GFPT1: variants seen among roughly 807,000 people sequenced by gnomAD.
The protein encoded by GFPT1 is glutamine--fructose-6-phosphate transaminase 1.
A neutral mutation model predicts 92.0 loss-of-function variants in GFPT1; 40 were observed. The observed-to-expected ratio is 0.43, with a 90% CI of 0.34 to 0.57. GFPT1 has a LOEUF of 0.57. Ranked by LOEUF, GFPT1 falls within the 20% of genes least tolerant of loss-of-function variation. The pLI is 0.02. For synonymous variants in GFPT1, 269 were observed against 280.6 expected (o/e 0.96, Z 0.41); for missense variants, 448 against 869.1 (o/e 0.52, Z 6.09).
At chr2:69,327,478 G>A (rs568506476) in intron 18 of GFPT1, among the ~76,000 whole-genome samples, 12 of 151,772 alleles carry the variant, frequency 7.9e-5, no homozygotes, top group African/African-American at 1.9e-4. Context: ...GAAATATATC[G>A]CGTGTGTGTA....
intron 12 of GFPT1, among the ~76,000 whole-genome samples, chr2:69,342,886 C>T (rs1411655490): frequency 6.6e-6 from 1 of 152,116 alleles, no homozygotes; most frequent in South Asian, 2.1e-4. Flanking sequence ...CAGTCTTTGC[C>T]GTCCCCATTC....
intron 1 of GFPT1, among the ~76,000 whole-genome samples, chr2:69,377,298 A>G (rs1176279487): frequency 6.6e-6 from 1 of 152,022 alleles, no homozygotes; most frequent in Admixed American, 6.6e-5. Flanking sequence ...AACTTTAATA[A>G]TACTTCTAAC....
intron 4 of GFPT1, among the ~76,000 whole-genome samples, chr2:69,360,291 T>C (rs1671436573): frequency 7.3e-6 from 1 of 136,932 alleles, no homozygotes; most frequent in Non-Finnish European, 1.5e-5. Flanking sequence ...ATCCCACCAC[T>C]GCATTCCAGC....
intron 1 of GFPT1, among the ~76,000 whole-genome samples, chr2:69,375,086 C>G (rs1451207590): frequency 6.6e-6 from 1 of 152,092 alleles, no homozygotes; most frequent in Non-Finnish European, 1.5e-5. Flanking sequence ...AAAGAAGTAA[C>G]AAAACACAGG....
chr2:69,339,303 T>G (rs1670879067), intron 13 of GFPT1, among the ~76,000 whole-genome samples: 1 of 152,178 alleles, frequency 6.6e-6, no homozygotes, highest in African/African-American at 2.4e-5. Context: ...GTACAACGTA[T>G]TCATAAATAT....
At chr2:69,350,686 T>G (rs1160559093) in intron 9 of GFPT1, among the ~76,000 whole-genome samples, 5 of 152,022 alleles carry the variant, frequency 3.3e-5, no homozygotes, top group Non-Finnish European at 5.9e-5. Flanking sequence ...GTGAATCACT[T>G]GAGGTCAGGA....
chr2:69,352,612 CAAAAAAAAAAAAAA>C (rs748958210), intron 9 of GFPT1, among the ~76,000 whole-genome samples: 2 of 47,378 alleles, frequency 4.2e-5, no homozygotes, highest in Non-Finnish European at 7.5e-5. Context: ...GACTTCGTCT[CAAAAAAAAAAAAAA>C]AAAAAAAAAA....
At chr2:69,363,891 G>C (rs529803313) in intron 3 of GFPT1, among the ~76,000 whole-genome samples, 2 of 152,318 alleles carry the variant, frequency 1.3e-5, no homozygotes, top group Admixed American at 1.3e-4. Flanking sequence ...GAGGCAGGTG[G>C]ATCACCTGAG....
intron 1 of GFPT1, among the ~76,000 whole-genome samples, chr2:69,386,549 A>C (rs2104709775): frequency 6.6e-6 from 1 of 152,340 alleles, no homozygotes; most frequent in East Asian, 1.9e-4. Flanking sequence ...GATGGCAGGA[A>C]GTATCACGTT....
At chr2:69,368,498 C>A (rs976900077) in intron 3 of GFPT1, among the ~76,000 whole-genome samples, 7 of 151,724 alleles carry the variant, frequency 4.6e-5, no homozygotes, top group African/African-American at 1.7e-4. Flanking sequence ...GAGGCCGAGG[C>A]AGGCGAATCA....
At chr2:69,377,068 C>A (rs1353618298) in intron 1 of GFPT1, among the ~76,000 whole-genome samples, 1 of 151,730 alleles carries the variant, frequency 6.6e-6, no homozygotes, top group Non-Finnish European at 1.5e-5. Context: ...ATTAGCCAGG[C>A]ATGATGGCAG....
At chr2:69,339,160 G>A (rs1042586450) in intron 13 of GFPT1, among the ~76,000 whole-genome samples, 1 of 152,182 alleles carries the variant, frequency 6.6e-6, no homozygotes, top group Admixed American at 6.5e-5. Flanking sequence ...TTCTGAGTCA[G>A]CTTGTGTGTT....
At chr2:69,335,117 G>C (rs983215771) in intron 15 of GFPT1, among the ~76,000 whole-genome samples, 4 of 151,710 alleles carry the variant, frequency 2.6e-5, no homozygotes, top group African/African-American at 7.3e-5. Flanking sequence ...AGGGATCCTC[G>C]TGCCTCAGCC....
Position 69,374,116 on chromosome 2 carries a change from GCAAATAAA to G in GFPT1, c.8-11_8-4del. On this transcript the variant is annotated splice_region_variant and splice_polypyrimidine_tract_variant and intron_variant, in intron 1 of 19. Transcript: ENST00000357308. ...GTAGTTTAAGTAAGCAAATATACCT[GCAAATAAA>G]CAAATATTTAATGAAAAATTCTGAT... 7.4e-7 allele frequency: 1 copy of G among 1,348,110 alleles called. No homozygotes were observed. Among genetic ancestry groups the G allele is most frequent in the Non-Finnish European group, 1.1e-6 (1 of 942,476 alleles). The allele number at this position is 1,348,110 out of a possible 1,614,324, so 83.5% of individuals were successfully genotyped here. A position where few individuals can be genotyped will look rare whatever the true frequency, so the allele number is the denominator to read the frequency against.
At chr2:69,358,522 T>C (rs1467370018) in intron 5 of GFPT1, 59 bp from the exon 6 acceptor site, 7 of 1,189,170 alleles carry the variant, frequency 5.9e-6, no homozygotes. Context: ...AAAAAAACCT[T>C]TTCTACAGAA....
chr2:69,346,527 C>T (rs955013308), intron 11 of GFPT1, among the ~76,000 whole-genome samples: 1 of 152,198 alleles, frequency 6.6e-6, no homozygotes, highest in South Asian at 2.1e-4. Flanking sequence ...CGTGAGCCAC[C>T]GCACTCAGTC....
At chr2:69,357,528 C>T (rs1389690595) in intron 6 of GFPT1, among the ~76,000 whole-genome samples, 1 of 152,198 alleles carries the variant, frequency 6.6e-6, no homozygotes, top group East Asian at 1.9e-4. Flanking sequence ...CTACTCCACT[C>T]TGCCTTGGGG....
intron 6 of GFPT1, 113 bp downstream of exon 6, chr2:69,358,216 A>G (rs901755729): frequency 1.0e-5 from 9 of 863,074 alleles, no homozygotes; most frequent in Non-Finnish European, 1.7e-5. Flanking sequence ...TTATATGAGA[A>G]ATAAAAGCCA....
chr2:69,373,735 C>T (rs1391013295), intron 2 of GFPT1, among the ~76,000 whole-genome samples: 1 of 152,004 alleles, frequency 6.6e-6, no homozygotes, highest in Non-Finnish European at 1.5e-5. Flanking sequence ...AGAGTAAGAC[C>T]TTCACGAATT....
Sources: allele counts gnomAD v4.1 joint callset (sites outside exome capture counted in the v4.1 genomes callset), GRCh38; gene constraint gnomAD v4.1.1; transcripts MANE v1.5; gene names NCBI Gene and HGNC (gene_info 2026-07-23, HGNC 2026-07-21).